Variants in FRMPD1 observed in about 807,000 individuals in gnomAD.
FRMPD1 encodes the protein FERM and PDZ domain-containing protein 1.
In FRMPD1, 76 loss-of-function variants were observed where a neutral mutation model predicts 117.8. The ratio of observed to expected loss-of-function variants is 0.65; its 90% CI spans 0.54 to 0.78. The LOEUF is 0.78. FRMPD1 is among the 30% of genes least tolerant of loss of function. The pLI is 0.00. For missense variants in FRMPD1, 1,786 were observed against 1,964.5 expected (o/e 0.91, Z 1.72); for synonymous variants, 783 against 770.4 (o/e 1.02, Z -0.27).
At chr9:37,664,301 G>GTATT (rs143418980) in intron 1 of FRMPD1, among the ~76,000 whole-genome samples, 13,220 of 150,824 alleles carry the variant, frequency 0.088, 996 homozygotes, top group East Asian at 0.33. Context: ...ATGTATGTAT[G>GTATT]TATGTATTTA....
Position 37,733,761 on chromosome 9 carries a change from A to G in FRMPD1, c.1154A>G (p.Asn385Ser). 1 of 1,608,686 alleles carries G rather than the reference A, an allele frequency of 6.2e-7. No individual in the cohort carries two copies. The highest frequency in any genetic ancestry group is 1.3e-5 in the African/African-American group (1 of 74,894). ...QLISAAQLRL[N>S]YLQILGELKT... ...ATTTCTGCTGCCCAGCTACGTTTAA[A>G]TTATCTACAGATCCTCGGAGAACTC... The change falls in exon 12 of 16, where the codon AAT (asparagine) becomes AGT (serine). Residue 385 changes from asparagine to serine, a missense_variant. By Grantham distance (46) the Asn-to-Ser change is conservative (BLOSUM62 1). Coordinates refer to ENST00000377765, the MANE Select transcript of FRMPD1 (RefSeq NM_014907.3).
At chr9:37,674,483 C>T (rs1013789144) in intron 1 of FRMPD1, among the ~76,000 whole-genome samples, 6 of 152,208 alleles carry the variant, frequency 3.9e-5, no homozygotes, top group Non-Finnish European at 5.9e-5. Flanking sequence ...CAACCTCTGC[C>T]TGTTACCCAG....
intron 5 of FRMPD1, among the ~76,000 whole-genome samples, chr9:37,711,705 T>C (rs1822916428): frequency 6.6e-6 from 1 of 152,190 alleles, no homozygotes; most frequent in African/African-American, 2.4e-5. Context: ...TTGAGTGGTA[T>C]GACTTTGGGA....
At chr9:37,671,335 T>C (rs1821344340) in intron 1 of FRMPD1, among the ~76,000 whole-genome samples, 1 of 152,226 alleles carries the variant, frequency 6.6e-6, no homozygotes, top group African/African-American at 2.4e-5. Flanking sequence ...TATTTAAATA[T>C]GTTATGACTT....
intron 2 of FRMPD1, among the ~76,000 whole-genome samples, chr9:37,706,435 C>T (rs773103121): frequency 2.4e-4 from 36 of 152,200 alleles, no homozygotes; most frequent in Admixed American, 5.2e-4. Flanking sequence ...AGACCTTAAC[C>T]GCAGAGTCCC....
At chr9:37,629,506 C>T in the FRMPD1 span, among the ~76,000 whole-genome samples, 6 of 152,210 alleles carry the variant, frequency 3.9e-5, no homozygotes, top group African/African-American at 1.2e-4. Context: ...ACTAGATGAC[C>T]GATTGTAGGC....
the FRMPD1 span, among the ~76,000 whole-genome samples, chr9:37,634,629 T>C: frequency 6.6e-6 from 1 of 152,136 alleles, no homozygotes; most frequent in African/African-American, 2.4e-5. Flanking sequence ...TCTCCTCTAT[T>C]TTGCACTTCT....
At chr9:37,716,523 G>T (rs895992457) in intron 5 of FRMPD1, among the ~76,000 whole-genome samples, 1 of 152,206 alleles carries the variant, frequency 6.6e-6, no homozygotes, top group Non-Finnish European at 1.5e-5. Flanking sequence ...CCTGCCAGTT[G>T]ATTTTCTTGA....
intron 1 of FRMPD1, among the ~76,000 whole-genome samples, chr9:37,666,027 G>A (rs1431987927): frequency 6.6e-6 from 1 of 152,158 alleles, no homozygotes; most frequent in Non-Finnish European, 1.5e-5. Flanking sequence ...TCTCCAAAGA[G>A]CTCTGAGCAT....
At chr9:37,624,968 C>G in the FRMPD1 span, among the ~76,000 whole-genome samples, 37 of 152,190 alleles carry the variant, frequency 2.4e-4, 1 homozygote, top group Admixed American at 2.2e-3. Flanking sequence ...ACTATACCCT[C>G]TAACAATATG....
chr9:37,647,655 T>C (rs1236997716), upstream of FRMPD1, among the ~76,000 whole-genome samples: 1 of 152,144 alleles, frequency 6.6e-6, no homozygotes, highest in African/African-American at 2.4e-5. Flanking sequence ...AAATAAGACA[T>C]TGTATTTCTC....
At chr9:37,698,743 T>A (rs569526094) in intron 2 of FRMPD1, among the ~76,000 whole-genome samples, 9 of 151,352 alleles carry the variant, frequency 5.9e-5, no homozygotes, top group East Asian at 1.9e-4. Flanking sequence ...TGTATTTTTT[T>A]AAATTTATTT....
At chr9:37,711,474 CAT>C (rs1822909476) in intron 5 of FRMPD1, 79 bp downstream of exon 5, 1 of 1,108,290 alleles carries the variant, frequency 9.0e-7, no homozygotes, top group Non-Finnish European at 1.4e-6. Context: ...GGATATCCCT[CAT>C]AAAGTAAGCG....
At position 37,717,317 on chromosome 9, in the gene FRMPD1, ATGTG is replaced by A. The variant is rs1204426463; in HGVS notation, c.409-1742_409-1739del. On this transcript the variant is annotated intron_variant, in intron 5 of 15. Transcript: ENST00000377765. ...AGAAAAAAAAAATATATATATATGT[ATGTG>A]TGTGTGTGTATGTGTATATATGTGT... 2.2e-5 allele frequency among the ~76,000 whole-genome samples: 3 copies of A among 137,870 alleles called. No homozygotes were observed. In the South Asian group the frequency reaches 6.9e-4, roughly 32 times the overall value. 90.4% of individuals were successfully genotyped at this position (137,870 alleles called of 152,430 possible).
chr9:37,614,278 A>T, the FRMPD1 span, among the ~76,000 whole-genome samples: 1 of 152,218 alleles, frequency 6.6e-6, no homozygotes, highest in Non-Finnish European at 1.5e-5. Context: ...GAAATGGACA[A>T]CACAGGCAAA....
chr9:37,622,223 T>C, the FRMPD1 span, among the ~76,000 whole-genome samples: 1 of 152,228 alleles, frequency 6.6e-6, no homozygotes, highest in Admixed American at 6.5e-5. Context: ...TGGTGGCTGC[T>C]TATTTTGCCT....
Position 37,731,048 on chromosome 9 carries a change from A to T in FRMPD1, c.803A>T (p.Asp268Val), listed in dbSNP as rs1823855735. 1 of 1,613,148 alleles carries T rather than the reference A, an allele frequency of 6.2e-7. No individual in the cohort carries two copies. The highest frequency in any genetic ancestry group is 1.1e-5 in the South Asian group (1 of 91,064). Reference protein sequence around the residue: ...CLFRVCFVPKDPLDLLKEDPV... With the variant: ...CLFRVCFVPKVPLDLLKEDPV... The stretch of plus-strand genomic sequence containing the variant: ...TTCAGGGTCTGTTTTGTTCCCAAGG[A>T]CCCCCTGGACCTCCTGAAAGAAGAC... The change falls in exon 9 of 16, where the codon GAC becomes GTC. Residue 268 changes from aspartate (D) to valine (V), a missense_variant. Transcript: ENST00000377765.
chr9:37,712,201 A>G (rs1045453972), intron 5 of FRMPD1, among the ~76,000 whole-genome samples: 1 of 152,240 alleles, frequency 6.6e-6, no homozygotes, highest in East Asian at 1.9e-4. Flanking sequence ...CGAATATAAT[A>G]AAATAGAAGC....
intron 1 of FRMPD1, among the ~76,000 whole-genome samples, chr9:37,665,970 G>A (rs181999576): frequency 4.5e-4 from 68 of 152,268 alleles, no homozygotes; most frequent in African/African-American, 1.5e-3. Context: ...TCAGAGTTGG[G>A]TAGAATCACT....
Sources: gnomAD v4.1 joint callset for allele counts (sites outside exome capture counted in the v4.1 genomes callset) on GRCh38, gnomAD v4.1.1 for gene constraint, MANE v1.5 for transcripts, NCBI Gene and HGNC (gene_info 2026-07-23, HGNC 2026-07-21) for gene names.